Variants in CEP162 observed in about 807,000 individuals in gnomAD.
CEP162 encodes centrosomal protein 162.
A neutral mutation model predicts 169.2 loss-of-function variants in CEP162; 141 were observed. The observed-to-expected ratio is 0.83, with a 90% CI of 0.73 to 0.96. The LOEUF is 0.96. Among genes scored for constraint, CEP162 ranks in the 40% least tolerant of loss-of-function variants. The pLI is 0.00. For synonymous variants in CEP162, 540 were observed against 526.4 expected (o/e 1.03, Z -0.35); for missense variants, 1,600 against 1,587.2 (o/e 1.01, Z -0.14).
At chr6:84,133,957 T>C (rs1056264704) in intron 25 of CEP162, among the ~76,000 whole-genome samples, 10 of 152,168 alleles carry the variant, frequency 6.6e-5, no homozygotes, top group Non-Finnish European at 8.8e-5. Context: ...CTAGGAGCTG[T>C]AGACTGGAGC....
intron 23 of CEP162, among the ~76,000 whole-genome samples, chr6:84,151,194 T>G (rs184638617): frequency 1.4e-4 from 21 of 152,114 alleles, no homozygotes; most frequent in African/African-American, 5.1e-4. Flanking sequence ...TTTAAGGAAG[T>G]TGAGAGTCAC....
intron 13 of CEP162, among the ~76,000 whole-genome samples, chr6:84,179,532 T>G (rs1325817356): frequency 6.6e-6 from 1 of 152,192 alleles, no homozygotes; most frequent in Non-Finnish European, 1.5e-5. Context: ...TTTTTTCTTG[T>G]AAATTTGAGT....
chr6:84,227,036 A>G (rs1219897557), intron 1 of CEP162, among the ~76,000 whole-genome samples: 1 of 152,246 alleles, frequency 6.6e-6, no homozygotes, highest in African/African-American at 2.4e-5. Context: ...TTAATGGAGT[A>G]CACAAATCAG....
At chr6:84,194,563 C>T (rs188209485) in intron 10 of CEP162, among the ~76,000 whole-genome samples, 1 of 151,722 alleles carries the variant, frequency 6.6e-6, no homozygotes, top group Non-Finnish European at 1.5e-5. Context: ...AAGTGATTCT[C>T]CTGCCTCAGG....
At chr6:84,171,843 TAA>T (rs967458424) in intron 16 of CEP162, 125 bp from the exon 17 acceptor site, 18 of 414,882 alleles carry the variant, frequency 4.3e-5, no homozygotes, top group African/African-American at 3.1e-4. Flanking sequence ...TTTGCGTATG[TAA>T]AGTCTTTTTT....
Position 84,206,508 on chromosome 6 carries a change from C to G in CEP162, c.572-2412G>C, listed in dbSNP as rs538378450. Among the ~76,000 whole-genome samples the G allele has an allele frequency of 1.0e-3, 157 of 152,182 alleles. 1 individual carries two copies. The South Asian group carries it at 0.022, about 21-fold the overall frequency. ...TTAATAAATGGTGCTGGGAAAACTGCCTAGCCATATGTAGAAAGCTGAAAC... is the reference window on the plus strand; with the variant it reads ...TTAATAAATGGTGCTGGGAAAACTGGCTAGCCATATGTAGAAAGCTGAAAC... On this transcript the variant is annotated intron_variant, in intron 6 of 26. Coordinates refer to ENST00000403245, the MANE Select transcript of CEP162 (RefSeq NM_014895.4).
At chr6:84,204,265 C>T (rs1562080725) in intron 6 of CEP162, among the ~76,000 whole-genome samples, 169 bp from the exon 7 acceptor site, 1 of 152,158 alleles carries the variant, frequency 6.6e-6, no homozygotes, top group Non-Finnish European at 1.5e-5. Context: ...CCCAAATCAA[C>T]AGGATATACA....
chr6:84,190,725 G>A (rs955723474), intron 11 of CEP162, among the ~76,000 whole-genome samples: 8 of 152,160 alleles, frequency 5.3e-5, no homozygotes, highest in African/African-American at 1.9e-4. Context: ...CTCCAGACGC[G>A]CCACCTTAAG....
intron 3 of CEP162, among the ~76,000 whole-genome samples, chr6:84,220,383 T>G (rs1412781832): frequency 2.0e-5 from 3 of 152,116 alleles, no homozygotes; most frequent in Admixed American, 2.0e-4. Context: ...CTCTGCGTTT[T>G]GGGAGGCCAA....
intron 13 of CEP162, among the ~76,000 whole-genome samples, chr6:84,178,083 T>G (rs2099533124): frequency 6.6e-6 from 1 of 152,250 alleles, no homozygotes; most frequent in Non-Finnish European, 1.5e-5. Context: ...TTAGAATTTG[T>G]AGCAGTCTAG....
chr6:84,174,270 A>G, intron 15 of CEP162, 82 bp from the exon 16 acceptor site: 2 of 1,086,308 alleles, frequency 1.8e-6, no homozygotes, highest in East Asian at 2.5e-5. Flanking sequence ...GGAAACTCCT[A>G]TTTAGATCGA....
intron 20 of CEP162, 145 bp downstream of exon 20, chr6:84,161,601 A>C: frequency 1.5e-6 from 1 of 665,052 alleles, no homozygotes; most frequent in Non-Finnish European, 2.5e-6. Flanking sequence ...AAAATAGACT[A>C]TATATCTAAA....
chr6:84,185,349 TC>T lies in CEP162; in HGVS notation c.1500del (p.Lys501AsnfsTer37). On this transcript the variant is annotated frameshift_variant, in exon 13 of 27. Transcript: ENST00000403245. LOFTEE classifies it high-confidence loss of function. ...GACGCATATAATCCACTCTGGGGTT[TC>T]CTTTTAAGTAAAGGAGGTGCACTTC... ...KARSAPPLLK[R>X]KPQSGLYASV... The T allele has an allele frequency of 6.2e-7, 1 of 1,613,714 alleles. No individual in the cohort carries two copies. The highest frequency in any genetic ancestry group is 8.5e-7 in the Non-Finnish European group (1 of 1,179,708).
Position 84,195,068 on chromosome 6 carries a change from A to ATG in CEP162, c.842_843insCA (p.Tyr282IlefsTer19). 6.4e-7 allele frequency: 1 copy of ATG among 1,572,990 alleles called. No individual in the cohort carries two copies. The highest frequency in any genetic ancestry group is 1.4e-5 in the African/African-American group (1 of 73,214). ...CAACGTCACTACTGCTTTGTCCATA[A>ATG]GAAACACCTGTTGAAATAAACGTAA... On this transcript the variant is annotated frameshift_variant, in exon 10 of 27. Coordinates refer to ENST00000403245, the MANE Select transcript of CEP162 (RefSeq NM_014895.4). LOFTEE classifies it high-confidence loss of function.
chr6:84,133,143 C>T (rs1364388975), intron 25 of CEP162, among the ~76,000 whole-genome samples: 4 of 152,158 alleles, frequency 2.6e-5, no homozygotes, highest in Admixed American at 6.5e-5. Flanking sequence ...CACTGTTTGC[C>T]TGGGTATCAC....
intron 22 of CEP162, among the ~76,000 whole-genome samples, chr6:84,154,358 G>GTCTGTCTGTCTGTCTA (rs1554165787): frequency 2.1e-4 from 32 of 149,766 alleles, no homozygotes; most frequent in African/African-American, 6.9e-4. Context: ...CTGTCTGTCT[G>GTCTGTCTGTCTGTCTA]TCTATCTATC....
chr6:84,181,473 A>T (rs899084612), intron 13 of CEP162, among the ~76,000 whole-genome samples: 3 of 152,230 alleles, frequency 2.0e-5, no homozygotes, highest in Non-Finnish European at 4.4e-5. Context: ...CACCAAAAGC[A>T]ATGGCAACAA....
chr6:84,167,740 G>C (rs2099528398), intron 18 of CEP162, among the ~76,000 whole-genome samples: 1 of 152,154 alleles, frequency 6.6e-6, no homozygotes, highest in African/African-American at 2.4e-5. Flanking sequence ...AGGCAGAAGA[G>C]GTACCATTTA....
chr6:84,170,562 T>C (rs932905608), intron 17 of CEP162, among the ~76,000 whole-genome samples: 2 of 152,192 alleles, frequency 1.3e-5, no homozygotes, highest in East Asian at 3.9e-4. Context: ...TGAGCTATTA[T>C]TAGCAGCCCT....
Sources: gnomAD v4.1 joint callset for allele counts (sites outside exome capture counted in the v4.1 genomes callset) on GRCh38, gnomAD v4.1.1 for gene constraint, MANE v1.5 for transcripts, NCBI Gene and HGNC (gene_info 2026-07-23, HGNC 2026-07-21) for gene names.